The following SCG5 variants were observed in gnomAD, a reference collection of about 807,000 sequenced individuals.
SCG5 encodes the protein secretogranin V.
A neutral mutation model predicts 25.7 loss-of-function variants in SCG5; 18 were observed. That is an observed-to-expected ratio of 0.70 (90% CI 0.48 to 1.04). The LOEUF is 1.04. SCG5 is among the 50% of genes least tolerant of loss of function. The pLI is 0.00. For missense variants in SCG5, 206 were observed against 259.8 expected, an observed-to-expected ratio of 0.79 and a Z score of 1.42; for synonymous variants, 101 against 91.7, an observed-to-expected ratio of 1.10 and a Z score of -0.58.
chr15:32,681,702 G>A (rs900638066), intron 3 of SCG5, among the ~76,000 whole-genome samples: 5 of 151,860 alleles, frequency 3.3e-5, no homozygotes, highest in African/African-American at 9.7e-5. Flanking sequence ...CTCCCACCTT[G>A]GCCTTCCAAG....
intron 2 of SCG5, among the ~76,000 whole-genome samples, chr15:32,657,731 C>T (rs1054174010): frequency 6.6e-6 from 1 of 152,148 alleles, no homozygotes; most frequent in Non-Finnish European, 1.5e-5. Context: ...ACCAAATAGC[C>T]TATCAAAATA....
intron 2 of SCG5, among the ~76,000 whole-genome samples, chr15:32,667,181 T>A (rs1332471382): frequency 6.6e-6 from 1 of 152,212 alleles, no homozygotes; most frequent in South Asian, 2.1e-4. Flanking sequence ...ACAAATGTAG[T>A]TCATATTCTA....
intron 4 of SCG5, among the ~76,000 whole-genome samples, chr15:32,691,299 A>G (rs1006050659): frequency 1.2e-4 from 19 of 152,308 alleles, no homozygotes; most frequent in African/African-American, 4.6e-4. Context: ...TACACAGGGG[A>G]TTGTTGTTAA....
intron 2 of SCG5, among the ~76,000 whole-genome samples, chr15:32,674,925 A>G (rs781611250): frequency 5.3e-5 from 8 of 152,242 alleles, no homozygotes; most frequent in Admixed American, 1.3e-4. Context: ...TCTGACTCAA[A>G]TAAGACCAAC....
intron 5 of SCG5, among the ~76,000 whole-genome samples, chr15:32,694,181 C>T (rs960827862): frequency 3.3e-5 from 5 of 152,116 alleles, no homozygotes; most frequent in African/African-American, 9.7e-5. Flanking sequence ...GGATTCAATA[C>T]TCAGTTAAAT....
intron 2 of SCG5, among the ~76,000 whole-genome samples, chr15:32,666,886 T>C (rs557283581): frequency 1.3e-5 from 2 of 152,332 alleles, no homozygotes; most frequent in African/African-American, 4.8e-5. Flanking sequence ...TCGCCATGTC[T>C]AGCCTCCTCT....
At chr15:32,671,131 C>G (rs2054416459) in intron 2 of SCG5, among the ~76,000 whole-genome samples, 1 of 152,144 alleles carries the variant, frequency 6.6e-6, no homozygotes, top group South Asian at 2.1e-4. Context: ...GAGAATCCCA[C>G]AGTGTGTGGC....
intron 2 of SCG5, among the ~76,000 whole-genome samples, chr15:32,657,835 C>T (rs890771075): frequency 5.9e-5 from 9 of 152,150 alleles, no homozygotes; most frequent in African/African-American, 2.2e-4. Context: ...GTTTCAAAAC[C>T]CATAAACATG....
chr15:32,673,728 T>C (rs959565813), intron 2 of SCG5, among the ~76,000 whole-genome samples: 2 of 152,050 alleles, frequency 1.3e-5, no homozygotes, highest in Non-Finnish European at 2.9e-5. Context: ...CCATTTAATA[T>C]AGGTTTGTTT....
At chr15:32,680,173 C>T (rs1294275854) in intron 3 of SCG5, among the ~76,000 whole-genome samples, 1 of 149,040 alleles carries the variant, frequency 6.7e-6, no homozygotes, top group African/African-American at 2.5e-5. Context: ...GGAATTGATG[C>T]ACTTTTCTGC....
intron 2 of SCG5, among the ~76,000 whole-genome samples, chr15:32,654,648 C>T (rs568446327): frequency 7.9e-5 from 12 of 152,170 alleles, no homozygotes; most frequent in Non-Finnish European, 1.3e-4. Flanking sequence ...TTTGTATTTG[C>T]TTCTTTAGCC....
intron 2 of SCG5, among the ~76,000 whole-genome samples, chr15:32,648,418 T>G (rs974372780): frequency 6.6e-6 from 1 of 152,078 alleles, no homozygotes; most frequent in African/African-American, 2.4e-5. Context: ...GAGTTAAACT[T>G]TTTTCAGGAG....
intron 3 of SCG5, among the ~76,000 whole-genome samples, chr15:32,681,877 T>C (rs1410059686): frequency 6.6e-6 from 1 of 152,188 alleles, no homozygotes; most frequent in East Asian, 1.9e-4. Flanking sequence ...GCCTCTGTTT[T>C]CCGTGGGGCA....
intron 2 of SCG5, among the ~76,000 whole-genome samples, chr15:32,645,655 A>G (rs1216411245): frequency 6.6e-6 from 1 of 152,194 alleles, no homozygotes; most frequent in Non-Finnish European, 1.5e-5. Flanking sequence ...GTAAGAGTTC[A>G]TCAGGGAACC....
chr15:32,689,029 T>G (rs2054790544), intron 4 of SCG5, among the ~76,000 whole-genome samples: 1 of 151,500 alleles, frequency 6.6e-6, no homozygotes, highest in South Asian at 2.1e-4. Flanking sequence ...AATATTCTGC[T>G]CCTCGTTCAA....
At chr15:32,656,699 C>T (rs1400554104) in intron 2 of SCG5, among the ~76,000 whole-genome samples, 3 of 152,192 alleles carry the variant, frequency 2.0e-5, no homozygotes, top group Non-Finnish European at 2.9e-5. Flanking sequence ...CAGAGATGTG[C>T]CGCTTCTGGA....
At chr15:32,695,448 A>G (rs1228362073) in intron 5 of SCG5, among the ~76,000 whole-genome samples, 1 of 152,066 alleles carries the variant, frequency 6.6e-6, no homozygotes, top group Non-Finnish European at 1.5e-5. Context: ...GTTCGAATCC[A>G]CACCTCAATA....
intron 2 of SCG5, among the ~76,000 whole-genome samples, chr15:32,646,791 C>T (rs1385731656): frequency 6.6e-6 from 1 of 152,100 alleles, no homozygotes; most frequent in Non-Finnish European, 1.5e-5. Context: ...ATTGTTTCAC[C>T]TCATCCATTT....
At chr15:32,672,283 A>G (rs1293971059) in intron 2 of SCG5, among the ~76,000 whole-genome samples, 4 of 152,182 alleles carry the variant, frequency 2.6e-5, no homozygotes, top group African/African-American at 9.7e-5. Flanking sequence ...CCCCACCACA[A>G]TTCTTTATTG....
Sources: allele counts gnomAD v4.1 joint callset (sites outside exome capture counted in the v4.1 genomes callset), GRCh38; gene constraint gnomAD v4.1.1; transcripts MANE v1.5; gene names NCBI Gene and HGNC (gene_info 2026-07-23, HGNC 2026-07-21).